Variants in EIF4B observed in about 807,000 individuals in gnomAD.
EIF4B encodes eukaryotic translation initiation factor 4B.
A neutral mutation model predicts 79.3 loss-of-function variants in EIF4B; 8 were observed. The ratio of observed to expected loss-of-function variants is 0.10; its 90% CI spans 0.06 to 0.18. The LOEUF is 0.18. Ranked by LOEUF, EIF4B falls within the 10% of genes least tolerant of loss-of-function variation. EIF4B has a pLI of 1.00. For synonymous variants in EIF4B, 238 were observed against 274.7 expected, an observed-to-expected ratio of 0.87 and a Z score of 1.32; for missense variants, 515 against 792.4, an observed-to-expected ratio of 0.65 and a Z score of 4.20.
Position 53,022,529 on chromosome 12 carries a change from G to A in EIF4B, c.569G>A (p.Arg190Gln), listed in dbSNP as rs780933255. Residue 190 changes from arginine to glutamine, a missense_variant, in exon 6 of 15, where the codon CGG becomes CAG. This residue lies in a region of EIF4B where 187 missense variants were observed against 256.5 expected (regional missense o/e 0.73). Transcript: ENST00000262056. ...CGTTCTTTTGGCCGTGATAGAAATC[G>A]GGATTCTGACAAAACAGATACAGAC... Reference protein sequence around the residue: ...DDRSFGRDRNRDSDKTDTDWR... With the variant: ...DDRSFGRDRNQDSDKTDTDWR... The A allele has an allele frequency of 1.9e-6, 3 of 1,613,246 alleles. No individual in the cohort carries two copies. The highest frequency in any genetic ancestry group is 2.5e-6 in the Non-Finnish European group (3 of 1,179,862).
intron 4 of EIF4B, among the ~76,000 whole-genome samples, chr12:53,020,699 CATG>C (rs1419302581): frequency 1.3e-5 from 2 of 152,164 alleles, no homozygotes; most frequent in Non-Finnish European, 2.9e-5. Context: ...TGCCATATGA[CATG>C]ATTGAAATCA....
chr12:53,024,802 C>T (rs1202078107), intron 6 of EIF4B, among the ~76,000 whole-genome samples: 1 of 152,006 alleles, frequency 6.6e-6, no homozygotes, highest in African/African-American at 2.4e-5. Flanking sequence ...ATTACAGATG[C>T]GCACCACCAC....
chr12:53,029,231 A>G (rs558908924), intron 8 of EIF4B, among the ~76,000 whole-genome samples: 11 of 152,354 alleles, frequency 7.2e-5, no homozygotes, highest in African/African-American at 2.2e-4. Flanking sequence ...CCCTAATACT[A>G]TAAGATATAA....
intron 8 of EIF4B, 147 bp downstream of exon 8, chr12:53,028,335 G>C (rs1186302043): frequency 3.6e-5 from 41 of 1,147,280 alleles, no homozygotes; most frequent in Non-Finnish European, 4.6e-5. Context: ...AAAGAGCATT[G>C]GCTGGCCAGG....
chr12:53,037,710 C>T (rs996269065), intron 11 of EIF4B, 88 bp downstream of exon 11: 6 of 1,370,022 alleles, frequency 4.4e-6, no homozygotes, highest in East Asian at 2.4e-5. Flanking sequence ...GGGATGCCAG[C>T]GTTGTATAGC....
In EIF4B at chr12:53,034,051, G is replaced by T. The variant is rs1421118826; in HGVS notation, c.1208+17G>T. 2.5e-6 allele frequency: 4 copies of T among 1,595,758 alleles called. No individual in the cohort carries two copies. Among genetic ancestry groups the T allele is most frequent in the Non-Finnish European group, 3.4e-6 (4 of 1,170,420 alleles). On this transcript the variant is annotated intron_variant, in intron 9 of 14. Transcript: ENST00000262056. Reference sequence around the variant, plus strand: ...TCGGGAGAGGTGTGTTGTCTTGATGGATATCCCATCTAGGAATCCGGTGGT... The same window carrying T: ...TCGGGAGAGGTGTGTTGTCTTGATGTATATCCCATCTAGGAATCCGGTGGT...
Position 53,033,806 on chromosome 12 carries a change from G to A in EIF4B, c.980G>A (p.Gly327Asp). Residue 327 changes from glycine (G) to aspartate (D), a missense_variant and splice_region_variant, in exon 9 of 15, where the codon GGT (glycine) becomes GAT (aspartate). Physicochemically the swap from Gly to Asp is moderately conservative, Grantham distance 94 (BLOSUM62 -1). Transcript: ENST00000262056. ...SRDDYRRDDR[G>D]PPQRPKLNLK... Reference sequence around the variant, plus strand: ...TTACTTAAAGTTTCATTTAACTTAGGTCCCCCCCAAAGACCCAAACTGAAT... The same window carrying A: ...TTACTTAAAGTTTCATTTAACTTAGATCCCCCCCAAAGACCCAAACTGAAT... 6.3e-7 allele frequency: 1 copy of A among 1,582,656 alleles called. No homozygotes were observed. The highest frequency in any genetic ancestry group is 8.6e-7 in the Non-Finnish European group (1 of 1,166,502).
chr12:53,037,266 A>T, intron 10 of EIF4B, 143 bp from the exon 11 acceptor site: 3 of 851,510 alleles, frequency 3.5e-6, no homozygotes, highest in Non-Finnish European at 5.4e-6. Flanking sequence ...TTCTGGAAAT[A>T]CTTGTAAACC....
intron 2 of EIF4B, 155 bp from the exon 3 acceptor site, chr12:53,018,643 T>C (rs1943186006): frequency 1.5e-6 from 1 of 653,860 alleles, no homozygotes; most frequent in Non-Finnish European, 2.7e-6. Context: ...AAGCTTCTCT[T>C]CGTAAAGTGC....
chr12:53,039,770 C>T, intron 14 of EIF4B, 68 bp downstream of exon 14: 4 of 1,507,762 alleles, frequency 2.7e-6, no homozygotes, highest in Non-Finnish European at 3.6e-6. Context: ...AGTATTCTTA[C>T]TAAGAATTAA....
chr12:53,009,150 T>C (rs1943020152), intron 1 of EIF4B, among the ~76,000 whole-genome samples: 2 of 152,232 alleles, frequency 1.3e-5, no homozygotes, highest in Non-Finnish European at 2.9e-5. Context: ...TTTCTTTATC[T>C]GGAAAGTGGT....
At chr12:53,037,328 A>G in intron 10 of EIF4B, 81 bp from the exon 11 acceptor site, 4 of 1,491,700 alleles carry the variant, frequency 2.7e-6, no homozygotes, top group Non-Finnish European at 3.6e-6. Flanking sequence ...GATGTGGACC[A>G]TTTTCCACAC....
intron 6 of EIF4B, among the ~76,000 whole-genome samples, chr12:53,025,030 A>G (rs1436088256): frequency 1.3e-5 from 2 of 152,292 alleles, no homozygotes; most frequent in South Asian, 2.1e-4. Context: ...AGGGATATGT[A>G]TAATTCCTTT....
At chr12:53,035,965 G>A (rs1943533549) in intron 10 of EIF4B, among the ~76,000 whole-genome samples, 1 of 2,094 alleles carries the variant, frequency 4.8e-4, no homozygotes, top group Non-Finnish European at 1.1e-3. Flanking sequence ...TTACAGGTGA[G>A]CGCCACCATG....
rs368683539 is a variant in EIF4B, at chr12:53,022,859, T to C, written c.667+232T>C. Reference sequence around the variant, plus strand: ...ACAAAGGGACAGACATTTCTCTTTTTTTGGAGACAATTGTTTATAAAGAAA... The same window carrying C: ...ACAAAGGGACAGACATTTCTCTTTTCTTGGAGACAATTGTTTATAAAGAAA... On this transcript the variant is annotated intron_variant, in intron 6 of 14. Coordinates refer to ENST00000262056, the MANE Select transcript of EIF4B (RefSeq NM_001417.7). 2.6e-5 allele frequency among the ~76,000 whole-genome samples: 4 copies of C among 152,338 alleles called. No individual in the cohort carries two copies. The East Asian group carries it at 5.8e-4, about 22-fold the overall frequency.
At chr12:53,013,885 A>C (rs10783553) in intron 1 of EIF4B, 121,444 of 151,982 alleles carry the variant, frequency 0.8, 50,830 homozygotes, top group Non-Finnish European at 0.93. Context: ...GAATAAGGCC[A>C]AGTGCAGTGG....
chr12:53,011,105 A>T lies in EIF4B; in HGVS notation c.13+4609A>T, dbSNP rs900302308. Among the ~76,000 whole-genome samples the T allele has an allele frequency of 3.3e-5, 5 of 152,246 alleles. 1 individual carries two copies. Among genetic ancestry groups the T allele is most frequent in the Admixed American group, 3.3e-4 (5 of 15,276 alleles). The stretch of plus-strand genomic sequence containing the variant: ...ATAGTGAGACCACGTCTCTACAAAA[A>T]AAATTTTAAAAATTAGCCAGGGGTG... On this transcript the variant is annotated intron_variant, in intron 1 of 14. Transcript: ENST00000262056.
chr12:53,035,379 T>A (rs35723129), intron 10 of EIF4B, among the ~76,000 whole-genome samples: 6,058 of 151,586 alleles, frequency 0.04, 164 homozygotes, highest in Middle Eastern at 0.071. Flanking sequence ...TTATTTTCTT[T>A]TTTTTTTGAG....
intron 10 of EIF4B, among the ~76,000 whole-genome samples, chr12:53,036,133 A>T (rs1464420735): frequency 6.7e-6 from 1 of 149,038 alleles, no homozygotes; most frequent in African/African-American, 2.5e-5. Flanking sequence ...TTATTTTGAG[A>T]CGGAGTTTCG....
Sources: gnomAD v4.1 joint callset for allele counts (sites outside exome capture counted in the v4.1 genomes callset) on GRCh38, gnomAD v4.1.1 for gene constraint, gnomAD v4.1.1 regional missense constraint, MANE v1.5 for transcripts, NCBI Gene and HGNC (gene_info 2026-07-23, HGNC 2026-07-21) for gene names.